The following PRKG1 variants were observed in gnomAD, a reference collection of about 807,000 sequenced individuals.
PRKG1 encodes protein kinase cGMP-dependent 1.
PRKG1 carries 35 observed loss-of-function variants against 88.1 expected under a neutral mutation model. The observed-to-expected ratio is 0.40, with a 90% CI of 0.30 to 0.53. The LOEUF is 0.53. Among genes scored for constraint, PRKG1 ranks in the 20% least tolerant of loss-of-function variants. The pLI, the probability that PRKG1 is intolerant of heterozygous loss-of-function variation, is 0.59. For missense variants in PRKG1, 540 were observed against 839.8 expected, an observed-to-expected ratio of 0.64 and a Z score of 4.41; for synonymous variants, 303 against 292.5, an observed-to-expected ratio of 1.04 and a Z score of -0.37.
chr10:51,528,349 A>G (rs929453822), intron 3 of PRKG1, among the ~76,000 whole-genome samples: 2 of 152,252 alleles, frequency 1.3e-5, no homozygotes, highest in Non-Finnish European at 2.9e-5. Flanking sequence ...TTAAGTAAAA[A>G]TAATGTGTGA....
chr10:51,278,359 T>C (rs117714860), intron 2 of PRKG1, among the ~76,000 whole-genome samples: 1 of 152,322 alleles, frequency 6.6e-6, no homozygotes, highest in Non-Finnish European at 1.5e-5. Flanking sequence ...AGTTTGCCCG[T>C]ATTCTGTTGA....
chr10:52,013,689 T>C (rs998001906), intron 5 of PRKG1, among the ~76,000 whole-genome samples: 3 of 152,196 alleles, frequency 2.0e-5, no homozygotes. Flanking sequence ...CAGGCCTTGA[T>C]TCAAAGAAAT....
At chr10:51,240,843 A>G (rs1378827953) in intron 2 of PRKG1, among the ~76,000 whole-genome samples, 1 of 152,214 alleles carries the variant, frequency 6.6e-6, no homozygotes, top group Non-Finnish European at 1.5e-5. Context: ...GATCTAAGGA[A>G]AAGATTCTGG....
chr10:51,357,159 G>A (rs1842384388), intron 2 of PRKG1, among the ~76,000 whole-genome samples: 1 of 151,942 alleles, frequency 6.6e-6, no homozygotes, highest in South Asian at 2.1e-4. Flanking sequence ...AGACATACAT[G>A]GCAGCAGGTG....
chr10:51,157,210 A>G (rs2131982001), intron 2 of PRKG1, among the ~76,000 whole-genome samples: 1 of 152,054 alleles, frequency 6.6e-6, no homozygotes, highest in African/African-American at 2.4e-5. Flanking sequence ...TGCAGACATT[A>G]TCATGTATTT....
At chr10:51,744,103 TA>T (rs1390518010) in intron 3 of PRKG1, among the ~76,000 whole-genome samples, 50 of 152,234 alleles carry the variant, frequency 3.3e-4, no homozygotes, top group African/African-American at 1.1e-3. Context: ...ATGGTTATAG[TA>T]ATACTATTCA....
chr10:51,411,085 C>T (rs1283576136), intron 2 of PRKG1, among the ~76,000 whole-genome samples: 2 of 151,982 alleles, frequency 1.3e-5, no homozygotes, highest in Non-Finnish European at 2.9e-5. Flanking sequence ...TCACAACCTC[C>T]ACCTCCCAAG....
chr10:51,838,829 C>T (rs1014828200), intron 4 of PRKG1, among the ~76,000 whole-genome samples: 3 of 152,046 alleles, frequency 2.0e-5, no homozygotes, highest in African/African-American at 7.2e-5. Flanking sequence ...GAAATAAAAA[C>T]AACCAAGTTC....
intron 2 of PRKG1, among the ~76,000 whole-genome samples, chr10:51,448,977 T>C (rs1284713709): frequency 1.3e-5 from 2 of 152,058 alleles, no homozygotes; most frequent in Non-Finnish European, 2.9e-5. Flanking sequence ...AAACATGCTA[T>C]GTGTCCAAAA....
At chr10:51,496,128 C>G (rs969566772) in intron 3 of PRKG1, among the ~76,000 whole-genome samples, 1 of 152,016 alleles carries the variant, frequency 6.6e-6, no homozygotes, top group Non-Finnish European at 1.5e-5. Flanking sequence ...TACACTGGTA[C>G]AAAATTCAAG....
At chr10:51,537,504 A>G (rs1468098972) in intron 3 of PRKG1, among the ~76,000 whole-genome samples, 1 of 151,968 alleles carries the variant, frequency 6.6e-6, no homozygotes, top group Non-Finnish European at 1.5e-5. Flanking sequence ...AGGCCAAGGC[A>G]GGCGGATCAC....
At position 52,280,728 on chromosome 10, in the gene PRKG1, AT is replaced by A. The variant is rs1841986476; in HGVS notation, c.1404-60del. On this transcript the variant is annotated intron_variant, in intron 12 of 17. Transcript: ENST00000373980. ...AATATAGTGAAATGAGAAAAAAAAA[AT>A]AAAGCCATATTACAGAAATTAATTT... 5 of 1,544,436 alleles carry A rather than the reference AT, an allele frequency of 3.2e-6. No homozygotes were observed. In the African/African-American group the frequency reaches 4.2e-5, roughly 13 times the overall value.
In PRKG1 at chr10:52,170,057, A is replaced by G. The variant is rs1838622030; in HGVS notation, c.1076+8094A>G. ...GAGTAGCATTCCCTTAGTTTAAAGC[A>G]TTACCCTCTCTCTAAAGAACCTATA... On this transcript the variant is annotated intron_variant, in intron 9 of 17. Transcript: ENST00000373980. 2.0e-5 allele frequency among the ~76,000 whole-genome samples: 3 copies of G among 152,318 alleles called. No individual in the cohort carries two copies. The South Asian group carries it at 6.2e-4, about 32-fold the overall frequency.
intron 2 of PRKG1, among the ~76,000 whole-genome samples, chr10:51,437,486 C>T (rs562995763): frequency 6.6e-6 from 1 of 151,730 alleles, no homozygotes; most frequent in Non-Finnish European, 1.5e-5. Flanking sequence ...AGGTCCCTAT[C>T]TTTCCACATA....
chr10:51,924,886 T>C (rs2132987917), intron 5 of PRKG1, among the ~76,000 whole-genome samples: 1 of 152,024 alleles, frequency 6.6e-6, no homozygotes, highest in African/African-American at 2.4e-5. Context: ...AGCATTTTCT[T>C]TTGATTCTTT....
chr10:52,168,126 A>G (rs901821505), intron 9 of PRKG1, among the ~76,000 whole-genome samples: 2 of 152,356 alleles, frequency 1.3e-5, no homozygotes, highest in South Asian at 4.1e-4. Flanking sequence ...TGCATATAAA[A>G]CAATGAATAA....
At chr10:51,455,355 C>T (rs1283596251) in intron 2 of PRKG1, among the ~76,000 whole-genome samples, 1 of 152,218 alleles carries the variant, frequency 6.6e-6, no homozygotes, top group Non-Finnish European at 1.5e-5. Flanking sequence ...ATATTTTCCC[C>T]ATTGTTTTGG....
Position 51,967,369 on chromosome 10 carries a change from C to G in PRKG1, c.762+59799C>G, listed in dbSNP as rs11000321. Among the ~76,000 whole-genome samples the G allele has an allele frequency of 6.0e-3, 915 of 151,938 alleles. 6 individuals are homozygous for G. The highest frequency in any genetic ancestry group is 0.019 in the African/African-American group (806 of 41,412). Reference sequence around the variant, plus strand: ...AGGTGGGAATTGAACAATGAGAACACATGGACACAGGAAGGGGAACATCAC... The same window carrying G: ...AGGTGGGAATTGAACAATGAGAACAGATGGACACAGGAAGGGGAACATCAC... On this transcript the variant is annotated intron_variant, in intron 5 of 17. Transcript: ENST00000373980.
intron 9 of PRKG1, among the ~76,000 whole-genome samples, chr10:52,250,738 C>T (rs751077984): frequency 6.6e-6 from 1 of 152,072 alleles, no homozygotes; most frequent in Non-Finnish European, 1.5e-5. Flanking sequence ...ATAGCAGGGC[C>T]TTTGACAAGG....
Sources: gnomAD v4.1 joint callset for allele counts (sites outside exome capture counted in the v4.1 genomes callset) on GRCh38, gnomAD v4.1.1 for gene constraint, MANE v1.5 for transcripts, NCBI Gene and HGNC (gene_info 2026-07-23, HGNC 2026-07-21) for gene names.